CHST11: variants seen among roughly 807,000 people sequenced by gnomAD.
CHST11 encodes the protein C4S-1.
In CHST11, 9 loss-of-function variants were observed where a neutral mutation model predicts 30.4. The observed-to-expected ratio is 0.30, with a 90% CI of 0.18 to 0.52. The LOEUF is 0.52. Ranked by LOEUF, CHST11 falls within the 20% of genes least tolerant of loss-of-function variation. The pLI, the probability that CHST11 is intolerant of heterozygous loss-of-function variation, is 0.97. For missense variants in CHST11, 348 were observed against 460.6 expected, an observed-to-expected ratio of 0.76 and a Z score of 2.24; for synonymous variants, 152 against 187.8, an observed-to-expected ratio of 0.81 and a Z score of 1.56.
At chr12:104,756,354 A>C (rs2040474391) in intron 2 of CHST11, among the ~76,000 whole-genome samples, 1 of 151,998 alleles carries the variant, frequency 6.6e-6, no homozygotes, top group Non-Finnish European at 1.5e-5. Flanking sequence ...TTGGGGAGAA[A>C]CTTTTGCTCT....
At chr12:104,488,130 A>G (rs2037701322) in intron 1 of CHST11, among the ~76,000 whole-genome samples, 2 of 150,674 alleles carry the variant, frequency 1.3e-5, no homozygotes, top group South Asian at 4.3e-4. Flanking sequence ...ATTTTTTTAT[A>G]TGGATGATTT....
At chr12:104,497,874 C>G (rs931631879) in intron 1 of CHST11, among the ~76,000 whole-genome samples, 2 of 150,806 alleles carry the variant, frequency 1.3e-5, no homozygotes, top group Admixed American at 1.3e-4. Flanking sequence ...GGGTCCCGCT[C>G]CACCCTGCAT....
rs1352754983 is a variant in CHST11 at position 104,637,304 on chromosome 12, A to ACTC, written c.204+35313_204+35314insCTC. 2.0e-4 allele frequency among the ~76,000 whole-genome samples: 2 copies of ACTC among 10,046 alleles called. 1 individual carries two copies. Among genetic ancestry groups the ACTC allele is most frequent in the East Asian group, 0.011 (2 of 178 alleles). The allele number at this position is 10,046 out of a possible 152,430, so 6.6% of individuals were successfully genotyped here. On this transcript the variant is annotated intron_variant, in intron 2 of 2. Coordinates refer to ENST00000303694, the MANE Select transcript of CHST11 (RefSeq NM_018413.6). ...TGGGCCATGGGAGTGAGACCCTGTA[A>ACTC]AAAAAAAAAAAAAAAAAAAAAAAAA...
At chr12:104,656,747 G>T (rs1041279669) in intron 2 of CHST11, among the ~76,000 whole-genome samples, 41 of 152,310 alleles carry the variant, frequency 2.7e-4, no homozygotes, top group African/African-American at 9.4e-4. Flanking sequence ...TGACCACAGT[G>T]GGGGGTTGCT....
intron 2 of CHST11, among the ~76,000 whole-genome samples, chr12:104,695,834 C>G (rs968738032): frequency 1.3e-5 from 2 of 152,176 alleles, no homozygotes; most frequent in Non-Finnish European, 2.9e-5. Context: ...GGACGTGACG[C>G]TTCACCGTGA....
At chr12:104,736,505 G>C (rs576751244) in intron 2 of CHST11, among the ~76,000 whole-genome samples, 2 of 152,312 alleles carry the variant, frequency 1.3e-5, no homozygotes, top group Admixed American at 6.5e-5. Flanking sequence ...TTAGAAGTTC[G>C]TATAACTTTC....
At chr12:104,464,854 T>C (rs2037443606) in intron 1 of CHST11, among the ~76,000 whole-genome samples, 1 of 152,138 alleles carries the variant, frequency 6.6e-6, no homozygotes, top group African/African-American at 2.4e-5. Flanking sequence ...AACGATGAAA[T>C]GGATCAGCGC....
chr12:104,682,069 G>A lies in CHST11; in HGVS notation c.205-74880G>A, dbSNP rs544302478. Among the ~76,000 whole-genome samples, 390 of 152,178 alleles carry A rather than the reference G, an allele frequency of 2.6e-3. 3 individuals carry two copies. Among genetic ancestry groups the A allele is most frequent in the African/African-American group, 8.4e-3 (348 of 41,516 alleles). On this transcript the variant is annotated intron_variant, in intron 2 of 2. Transcript: ENST00000303694. The stretch of plus-strand genomic sequence containing the variant: ...AAGATGGTCTCGATCTCCTGACCTC[G>A]TGTTCCACCTGCCTCGGCCTCCCAA...
At chr12:104,509,560 A>G (rs1683529296) in intron 1 of CHST11, among the ~76,000 whole-genome samples, 1 of 152,194 alleles carries the variant, frequency 6.6e-6, no homozygotes, top group African/African-American at 2.4e-5. Context: ...TAGATGCTCA[A>G]TTTATACCTG....
At position 104,720,353 on chromosome 12, in the gene CHST11, C is replaced by T. The variant is rs75226817; in HGVS notation, c.205-36596C>T. On this transcript the variant is annotated intron_variant, in intron 2 of 2. Coordinates refer to ENST00000303694, the MANE Select transcript of CHST11 (RefSeq NM_018413.6). Reference sequence around the variant, plus strand: ...GGCCGAGTTGCTCCCCACAGCCTCACGATCGTGAGAGGCAGGGCTGGGACT... The same window carrying T: ...GGCCGAGTTGCTCCCCACAGCCTCATGATCGTGAGAGGCAGGGCTGGGACT... Among the ~76,000 whole-genome samples, 318 of 152,366 alleles carry T rather than the reference C, an allele frequency of 2.1e-3. 9 individuals are homozygous for T. In the East Asian group the frequency reaches 0.056, roughly 27 times the overall value.
At position 104,623,383 on chromosome 12, in the gene CHST11, G is replaced by A. The variant is rs184623587; in HGVS notation, c.204+21392G>A. Among the ~76,000 whole-genome samples, 6 of 152,344 alleles carry A rather than the reference G, an allele frequency of 3.9e-5. No individual in the cohort carries two copies. In the East Asian group the frequency reaches 9.6e-4, roughly 24 times the overall value. ...TGGTTATTAGTGTTTTATTGCTGATGTACGGTCGAGGTCCAGGCCACCCGT... is the reference window on the plus strand; with the variant it reads ...TGGTTATTAGTGTTTTATTGCTGATATACGGTCGAGGTCCAGGCCACCCGT... On this transcript the variant is annotated intron_variant, in intron 2 of 2. Transcript: ENST00000303694.
At chr12:104,555,059 G>C (rs61940020) in intron 1 of CHST11, among the ~76,000 whole-genome samples, 20,645 of 152,222 alleles carry the variant, frequency 0.14, 1,492 homozygotes, top group African/African-American at 0.16. Context: ...ATGCTGTGTT[G>C]GCAAATGGCA....
chr12:104,494,014 T>C (rs922001302), intron 1 of CHST11, among the ~76,000 whole-genome samples: 2 of 152,182 alleles, frequency 1.3e-5, no homozygotes, highest in African/African-American at 4.8e-5. Context: ...CACTGTATTG[T>C]CCAGGCTGGT....
Position 104,706,835 on chromosome 12 carries a change from G to C in CHST11, c.205-50114G>C, listed in dbSNP as rs536080783. On this transcript the variant is annotated intron_variant, in intron 2 of 2. Transcript: ENST00000303694. ...GGGGAAAAAATGAGTCTATGCCACTGTAGAGCTGCCACATTTTAATATGGA... is the reference window on the plus strand; with the variant it reads ...GGGGAAAAAATGAGTCTATGCCACTCTAGAGCTGCCACATTTTAATATGGA... Among the ~76,000 whole-genome samples the C allele has an allele frequency of 5.3e-5, 8 of 152,288 alleles. No homozygotes were observed. The East Asian group carries it at 1.5e-3, about 29-fold the overall frequency.
intron 2 of CHST11, among the ~76,000 whole-genome samples, chr12:104,604,281 G>C (rs549070741): frequency 6.6e-6 from 1 of 152,292 alleles, no homozygotes; most frequent in South Asian, 2.1e-4. Flanking sequence ...GCTCTGGGAG[G>C]CATTGGGGAG....
intron 2 of CHST11, among the ~76,000 whole-genome samples, chr12:104,656,697 A>G (rs2039547667): frequency 6.6e-6 from 1 of 152,212 alleles, no homozygotes; most frequent in Admixed American, 6.5e-5. Flanking sequence ...TGTTGTCCTC[A>G]GCCAGTGAGA....
chr12:104,598,348 G>A (rs981245824), intron 1 of CHST11, among the ~76,000 whole-genome samples: 5 of 152,152 alleles, frequency 3.3e-5, no homozygotes, highest in East Asian at 1.9e-4. Flanking sequence ...CCGAACCTTC[G>A]CACAGCATCA....
rs1008695786 is a variant in CHST11 at position 104,562,729 on chromosome 12, G to A, written c.119-39177G>A. ...CAGAGGACCAGAAAGCCTGCCTGCC[G>A]GGCCTGCCCAGGGTCCGGTAGCTAC... On this transcript the variant is annotated intron_variant, in intron 1 of 2. Coordinates refer to ENST00000303694, the MANE Select transcript of CHST11 (RefSeq NM_018413.6). Among the ~76,000 whole-genome samples, 14 of 152,180 alleles carry A rather than the reference G, an allele frequency of 9.2e-5. 1 individual carries two copies. Among genetic ancestry groups the A allele is most frequent in the African/African-American group, 3.1e-4 (13 of 41,452 alleles).
intron 1 of CHST11, among the ~76,000 whole-genome samples, chr12:104,594,261 G>T (rs1291458033): frequency 7.2e-6 from 1 of 138,246 alleles, no homozygotes; most frequent in African/African-American, 2.8e-5. Context: ...ATTTTCCTCT[G>T]CAAATGAGCA....
Sources: allele counts gnomAD v4.1 joint callset (sites outside exome capture counted in the v4.1 genomes callset), GRCh38; gene constraint gnomAD v4.1.1; transcripts MANE v1.5; gene names NCBI Gene and HGNC (gene_info 2026-07-23, HGNC 2026-07-21).